BLTP3B: variants seen among roughly 807,000 people sequenced by gnomAD.
BLTP3B encodes the protein UHRF1 (ICBP90) binding protein 1-like.
the BLTP3B span, among the ~76,000 whole-genome samples, chr12:100,117,554 C>T: frequency 6.6e-6 from 1 of 152,142 alleles, no homozygotes; most frequent in Non-Finnish European, 1.5e-5. Flanking sequence ...CCTTGAACTC[C>T]TGGGCTCAAG....
the BLTP3B span, among the ~76,000 whole-genome samples, chr12:100,141,265 C>T: frequency 2.6e-5 from 4 of 152,004 alleles, no homozygotes; most frequent in Non-Finnish European, 5.9e-5. Flanking sequence ...CCGCGGATCA[C>T]CTGAGGTTGG....
At chr12:100,117,022 C>A in the BLTP3B span, among the ~76,000 whole-genome samples, 11 of 152,038 alleles carry the variant, frequency 7.2e-5, no homozygotes, top group Non-Finnish European at 1.2e-4. Context: ...GATAATAACA[C>A]AAACTATAAA....
chr12:100,130,951 T>TACATACATAC, the BLTP3B span, among the ~76,000 whole-genome samples: 1,993 of 133,164 alleles, frequency 0.015, 47 homozygotes, highest in African/African-American at 0.039. Flanking sequence ...CATACATACA[T>TACATACATAC]ATATATATAT....
the BLTP3B span, among the ~76,000 whole-genome samples, chr12:100,068,051 A>C: frequency 1.2e-4 from 18 of 152,214 alleles, no homozygotes; most frequent in Non-Finnish European, 2.4e-4. Context: ...AGCAAGACTA[A>C]GCAAAAAGAA....
the BLTP3B span, chr12:100,059,788 G>C: frequency 6.8e-7 from 1 of 1,473,628 alleles, no homozygotes; most frequent in South Asian, 1.2e-5. Flanking sequence ...ATACATATAC[G>C]CACAAATCAT....
At chr12:100,049,788 C>T in the BLTP3B span, among the ~76,000 whole-genome samples, 49 of 152,258 alleles carry the variant, frequency 3.2e-4, no homozygotes, top group Middle Eastern at 3.4e-3. Flanking sequence ...AACTTGCCAA[C>T]AAACAACTTG....
chr12:100,049,356 G>A, the BLTP3B span, among the ~76,000 whole-genome samples: 1 of 152,136 alleles, frequency 6.6e-6, no homozygotes, highest in Non-Finnish European at 1.5e-5. Context: ...ATCAATTCAT[G>A]ATGGAGTTTT....
the BLTP3B span, chr12:100,070,290 A>ATTTTTT: frequency 1.0e-6 from 1 of 963,174 alleles, no homozygotes; most frequent in South Asian, 2.7e-5. Flanking sequence ...TAATTAATTA[A>ATTTTTT]TTTTTTTTTT....
chr12:100,100,335 A>C, the BLTP3B span, among the ~76,000 whole-genome samples: 1 of 151,714 alleles, frequency 6.6e-6, no homozygotes, highest in Non-Finnish European at 1.5e-5. Context: ...TAATTTTTTA[A>C]AAAAACGCTC....
the BLTP3B span, chr12:100,048,060 G>A: frequency 2.5e-6 from 4 of 1,613,064 alleles, no homozygotes; most frequent in South Asian, 3.3e-5. Flanking sequence ...ACTCAGTGCT[G>A]AAGTTTTCTA....
At chr12:100,112,346 T>A in the BLTP3B span, among the ~76,000 whole-genome samples, 2 of 151,932 alleles carry the variant, frequency 1.3e-5, no homozygotes, top group Non-Finnish European at 2.9e-5. Flanking sequence ...CTACAAAAAA[T>A]TTAAAAAAGA....
chr12:100,132,463 T>C, the BLTP3B span, among the ~76,000 whole-genome samples: 1,178 of 152,258 alleles, frequency 7.7e-3, 18 homozygotes, highest in African/African-American at 0.027. Context: ...AAAGTAGTTC[T>C]CACGTGCGTA....
chr12:100,045,910 T>A, the BLTP3B span, among the ~76,000 whole-genome samples: 2 of 152,146 alleles, frequency 1.3e-5, no homozygotes, highest in Non-Finnish European at 2.9e-5. Flanking sequence ...CATTAAAAAG[T>A]GGGCAAAGGA....
the BLTP3B span, among the ~76,000 whole-genome samples, chr12:100,120,809 G>C: frequency 6.6e-6 from 1 of 152,132 alleles, no homozygotes; most frequent in Non-Finnish European, 1.5e-5. Context: ...GAGAGAGAGA[G>C]AGAGAAAGGC....
chr12:100,076,800 C>A, the BLTP3B span, among the ~76,000 whole-genome samples: 6 of 152,310 alleles, frequency 3.9e-5, no homozygotes, highest in South Asian at 1.0e-3. Context: ...GAAACAAATT[C>A]TTTTCAATTC....
chr12:100,088,830 C>T, the BLTP3B span: 1 of 1,130,288 alleles, frequency 8.8e-7, no homozygotes, highest in Non-Finnish European at 1.2e-6. Flanking sequence ...ACAGGACATC[C>T]TACACAACAG....
chr12:100,074,997 C>G, the BLTP3B span, among the ~76,000 whole-genome samples: 1 of 151,688 alleles, frequency 6.6e-6, no homozygotes, highest in Non-Finnish European at 1.5e-5. Flanking sequence ...AAGAATGAAA[C>G]TGGACCCCTA....
chr12:100,078,554 G>C, the BLTP3B span, among the ~76,000 whole-genome samples: 508 of 152,232 alleles, frequency 3.3e-3, 2 homozygotes, highest in African/African-American at 0.011. Context: ...GCGTTAAGAG[G>C]GTGGGGGCTT....
chr12:100,127,237 AC>A, the BLTP3B span, among the ~76,000 whole-genome samples: 1 of 152,224 alleles, frequency 6.6e-6, no homozygotes, highest in Non-Finnish European at 1.5e-5. Flanking sequence ...CTATTAATAT[AC>A]TAAAGTGAAT....
Sources: gnomAD v4.1 joint callset for allele counts (sites outside exome capture counted in the v4.1 genomes callset) on GRCh38, gnomAD v4.1.1 for gene constraint, MANE v1.5 for transcripts, NCBI Gene and HGNC (gene_info 2026-07-23, HGNC 2026-07-21) for gene names.